The following SLC5A4 variants were observed in gnomAD, a reference collection of about 807,000 sequenced individuals.
The protein encoded by SLC5A4 is probable glucose sensor protein SLC5A4.
A neutral mutation model predicts 70.3 loss-of-function variants in SLC5A4; 55 were observed. The ratio of observed to expected loss-of-function variants is 0.78; its 90% CI spans 0.63 to 0.98. The LOEUF is 0.98. Among genes scored for constraint, SLC5A4 ranks in the 50% least tolerant of loss-of-function variants. The pLI, the probability that SLC5A4 is intolerant of heterozygous loss-of-function variation, is 0.00. For missense variants in SLC5A4, 735 were observed against 839.2 expected (o/e 0.88, Z 1.53); for synonymous variants, 268 against 305.7 (o/e 0.88, Z 1.29).
the SLC5A4 span, among the ~76,000 whole-genome samples, chr22:32,277,463 G>T: frequency 3.3e-5 from 5 of 152,060 alleles, no homozygotes; most frequent in African/African-American, 1.2e-4. Flanking sequence ...CTAATAAAGG[G>T]GGAAAACTGT....
chr22:32,272,637 T>C, the SLC5A4 span: 1 of 587,104 alleles, frequency 1.7e-6, no homozygotes, highest in Middle Eastern at 3.5e-4. Flanking sequence ...CCTCATGGTG[T>C]ACATGTACCT....
intron 5 of SLC5A4, among the ~76,000 whole-genome samples, chr22:32,240,494 C>T (rs1256183401): frequency 1.3e-5 from 2 of 151,846 alleles, no homozygotes; most frequent in Non-Finnish European, 2.9e-5. Context: ...TGTATATGTT[C>T]TTAGAATTAG....
the SLC5A4 span, among the ~76,000 whole-genome samples, chr22:32,310,754 T>G: frequency 0.028 from 4,211 of 152,288 alleles, 196 homozygotes; most frequent in African/African-American, 0.098. Context: ...TTCTCATCCA[T>G]AAAATGGGGA....
the SLC5A4 span, among the ~76,000 whole-genome samples, chr22:32,337,538 GAAA>G: frequency 6.8e-6 from 1 of 146,964 alleles, no homozygotes; most frequent in Non-Finnish European, 1.5e-5. Flanking sequence ...TCTCCAAAAA[GAAA>G]AAAAAGAAAA....
intron 5 of SLC5A4, among the ~76,000 whole-genome samples, chr22:32,242,644 G>A (rs980985387): frequency 6.6e-6 from 1 of 152,172 alleles, no homozygotes; most frequent in Non-Finnish European, 1.5e-5. Flanking sequence ...GGCAGGCAGA[G>A]GTTGCAGTGA....
chr22:32,310,908 C>T, the SLC5A4 span, among the ~76,000 whole-genome samples: 1 of 152,212 alleles, frequency 6.6e-6, no homozygotes, highest in Non-Finnish European at 1.5e-5. Flanking sequence ...CAGGGCTGGG[C>T]ACTCTTGCCC....
chr22:32,341,589 G>T, the SLC5A4 span, among the ~76,000 whole-genome samples: 1 of 152,206 alleles, frequency 6.6e-6, no homozygotes, highest in East Asian at 1.9e-4. Flanking sequence ...CAACAGAGCC[G>T]TGAACAGCGG....
intron 5 of SLC5A4, among the ~76,000 whole-genome samples, chr22:32,246,532 A>G (rs1188182504): frequency 3.3e-5 from 5 of 151,748 alleles, no homozygotes; most frequent in Non-Finnish European, 5.9e-5. Context: ...TTGTTTGTTT[A>G]TTTATTTATT....
chr22:32,326,719 ACT>A, the SLC5A4 span, among the ~76,000 whole-genome samples: 1 of 152,022 alleles, frequency 6.6e-6, no homozygotes, highest in Non-Finnish European at 1.5e-5. Flanking sequence ...GGAGAAAGAG[ACT>A]CTGCTGACAC....
chr22:32,353,347 T>C, the SLC5A4 span, among the ~76,000 whole-genome samples: 2 of 152,002 alleles, frequency 1.3e-5, no homozygotes, highest in Non-Finnish European at 2.9e-5. Context: ...TATCACCCCG[T>C]AGTGTCAGCT....
chr22:32,294,720 T>A, the SLC5A4 span, among the ~76,000 whole-genome samples: 1 of 147,600 alleles, frequency 6.8e-6, no homozygotes, highest in Non-Finnish European at 1.5e-5. Context: ...TTGTGCAGGT[T>A]AGTTACATAT....
the SLC5A4 span, among the ~76,000 whole-genome samples, chr22:32,335,479 TG>T: frequency 5.3e-5 from 8 of 152,290 alleles, no homozygotes; most frequent in East Asian, 1.4e-3. Context: ...GGATAGACTT[TG>T]GGGGTTCTTC....
chr22:32,226,148 T>C (rs1361114172), intron 11 of SLC5A4, among the ~76,000 whole-genome samples: 1 of 152,248 alleles, frequency 6.6e-6, no homozygotes, highest in East Asian at 1.9e-4. Flanking sequence ...CCACACTACT[T>C]CTATTAACCA....
rs1484723192 is a variant in SLC5A4 at position 32,231,044 on chromosome 22, G to A, written c.1053C>T (p.Cys351=). The A allele has an allele frequency of 4.3e-6, 7 of 1,613,606 alleles. No homozygotes were observed. Among genetic ancestry groups the A allele is most frequent in the East Asian group, 2.2e-5 (1 of 44,890 alleles). ...DMVACVVPSE[C]VKHCGVDVGC... Reference sequence around the variant, plus strand: ...CAACATCAACGCCACAGTGTTTCACGCATTCAGAAGGTACCACACATGCTA... The same window carrying A: ...CAACATCAACGCCACAGTGTTTCACACATTCAGAAGGTACCACACATGCTA... Residue 351 remains cysteine, a synonymous_variant, in exon 10 of 15, where the codon TGC becomes TGT. Coordinates refer to ENST00000266086, the MANE Select transcript of SLC5A4 (RefSeq NM_014227.3).
chr22:32,325,642 G>T, the SLC5A4 span, among the ~76,000 whole-genome samples: 1 of 152,226 alleles, frequency 6.6e-6, no homozygotes, highest in East Asian at 1.9e-4. Flanking sequence ...TCTCAAACCG[G>T]CAAGATTAGA....
the SLC5A4 span, among the ~76,000 whole-genome samples, chr22:32,319,606 C>A: frequency 6.6e-6 from 1 of 152,142 alleles, no homozygotes; most frequent in South Asian, 2.1e-4. Context: ...TGTCTATATG[C>A]GATTGGTTCT....
upstream of SLC5A4, among the ~76,000 whole-genome samples, chr22:32,256,325 AC>A (rs148063217): frequency 0.016 from 2,394 of 152,242 alleles, 30 homozygotes; most frequent in Middle Eastern, 0.058. Context: ...AACAAAAAAA[AC>A]AACAACAAAA....
chr22:32,254,803 CA>C (rs566118302), intron 1 of SLC5A4, among the ~76,000 whole-genome samples: 1,750 of 113,416 alleles, frequency 0.015, 8 homozygotes, highest in Non-Finnish European at 0.02. Context: ...GACTCCGTCT[CA>C]AAAAAAAAAA....
the SLC5A4 span, among the ~76,000 whole-genome samples, chr22:32,322,237 C>T: frequency 6.6e-6 from 1 of 152,208 alleles, no homozygotes; most frequent in African/African-American, 2.4e-5. Context: ...AGCGCGTCCT[C>T]ACCTGCCCTC....
Sources: allele counts gnomAD v4.1 joint callset (sites outside exome capture counted in the v4.1 genomes callset), GRCh38; gene constraint gnomAD v4.1.1; transcripts MANE v1.5; gene names NCBI Gene and HGNC (gene_info 2026-07-23, HGNC 2026-07-21).